C12orf56: variants seen among roughly 807,000 people sequenced by gnomAD.
The protein encoded by C12orf56 is chromosome 12 open reading frame 56, also known as uncharacterized protein C12orf56.
In C12orf56, 71 loss-of-function variants were observed where a neutral mutation model predicts 69.9. That is an observed-to-expected ratio of 1.02 (90% CI 0.84 to 1.24). The LOEUF is 1.24. Among genes scored for constraint, C12orf56 ranks in the 50% most tolerant of loss-of-function variants. C12orf56 has a pLI of 0.00. For synonymous variants in C12orf56, 276 were observed against 274.1 expected (o/e 1.01, Z -0.07); for missense variants, 732 against 738.5 (o/e 0.99, Z 0.10).
At chr12:64,354,436 C>G (rs1428554087) in intron 1 of C12orf56, among the ~76,000 whole-genome samples, 1 of 151,858 alleles carries the variant, frequency 6.6e-6, no homozygotes, top group Non-Finnish European at 1.5e-5. Context: ...CCACTCTGAG[C>G]AACATAGCAA....
intron 1 of C12orf56, among the ~76,000 whole-genome samples, chr12:64,357,924 A>G (rs2039342086): frequency 6.6e-6 from 1 of 151,978 alleles, no homozygotes; most frequent in Non-Finnish European, 1.5e-5. Context: ...AGAAAAAGAA[A>G]AAGAAATAAA....
At position 64,275,141 on chromosome 12, in the gene C12orf56, A is replaced by G. The variant is rs549623920; in HGVS notation, c.1509+157T>C. ...TAAGAGCAAAGTTCATATCATTGAA[A>G]TCAACCAGTTTTGGAGACCATCTCA... is the stretch of plus-strand genomic sequence containing the variant. On this transcript the variant is annotated intron_variant, in intron 10 of 12. Coordinates refer to ENST00000543942, the MANE Select transcript of C12orf56 (RefSeq NM_001170633.2). 1.6e-4 allele frequency: 121 copies of G among 771,296 alleles called. 1 individual carries two copies. In the South Asian group the frequency reaches 2.6e-3, roughly 17 times the overall value. The allele number at this position is 771,296 out of a possible 1,614,324, so 47.8% of individuals were successfully genotyped here.
At chr12:64,358,169 C>T (rs1345200906) in intron 1 of C12orf56, among the ~76,000 whole-genome samples, 1 of 152,060 alleles carries the variant, frequency 6.6e-6, no homozygotes, top group East Asian at 1.9e-4. Context: ...ATTTAGAAAT[C>T]ATAATCTCGG....
intron 2 of C12orf56, among the ~76,000 whole-genome samples, chr12:64,334,411 G>A (rs767402269): frequency 5.3e-5 from 8 of 152,138 alleles, no homozygotes; most frequent in Non-Finnish European, 1.0e-4. Flanking sequence ...ATCGCCCTTG[G>A]AAACCAAAAT....
At chr12:64,308,882 CAGAAAGGA>C (rs1198763069) in intron 5 of C12orf56, among the ~76,000 whole-genome samples, 1 of 50,056 alleles carries the variant, frequency 2.0e-5, no homozygotes, top group African/African-American at 9.0e-5. Context: ...AAGAAAGAAA[CAGAAAGGA>C]AGAAAGAAAG....
chr12:64,376,316 G>A (rs1592501483), intron 1 of C12orf56, among the ~76,000 whole-genome samples: 1 of 152,150 alleles, frequency 6.6e-6, no homozygotes, highest in African/African-American at 2.4e-5. Flanking sequence ...TGCTTTCCAA[G>A]AGTTCGTTGG....
In C12orf56 at chr12:64,266,660, G is replaced by T; in HGVS notation, c.*523C>A. On this transcript the variant is annotated 3_prime_UTR_variant, in exon 13 of 13. Coordinates refer to ENST00000543942, the MANE Select transcript of C12orf56 (RefSeq NM_001170633.2). ...GGGTGAAGAGCATGCTCCTGTGCCT[G>T]GCATGGTTTCACCGAGAACACTGTG... 1 of 887,598 alleles carries T rather than the reference G, an allele frequency of 1.1e-6. No homozygotes were observed. Among genetic ancestry groups the T allele is most frequent in the Non-Finnish European group, 1.5e-6 (1 of 654,720 alleles). The allele number at this position is 887,598 out of a possible 1,614,324, so 55.0% of individuals were successfully genotyped here.
chr12:64,381,716 T>G (rs1479725783), intron 1 of C12orf56, among the ~76,000 whole-genome samples: 1 of 152,180 alleles, frequency 6.6e-6, no homozygotes, highest in Admixed American at 6.5e-5. Flanking sequence ...TTCAAAAGTC[T>G]AGTTAAGAAA....
At chr12:64,283,019 G>A (rs2038152642) in intron 8 of C12orf56, among the ~76,000 whole-genome samples, 1 of 146,476 alleles carries the variant, frequency 6.8e-6, no homozygotes, top group Non-Finnish European at 1.5e-5. Context: ...GTGCACGCCT[G>A]TAATCCCAGC....
At chr12:64,298,462 G>A (rs10748008) in intron 6 of C12orf56, among the ~76,000 whole-genome samples, 145,326 of 152,254 alleles carry the variant, frequency 0.95, 69,698 homozygotes, top group East Asian at 1. Context: ...GCCCATGCCT[G>A]TGTCCTGAAT....
intron 6 of C12orf56, among the ~76,000 whole-genome samples, chr12:64,298,282 C>G (rs1486283900): frequency 6.6e-6 from 1 of 151,938 alleles, no homozygotes; most frequent in Non-Finnish European, 1.5e-5. Flanking sequence ...GGATATTAGC[C>G]CTTTGTCAGA....
intron 2 of C12orf56, among the ~76,000 whole-genome samples, chr12:64,347,627 ATCT>A (rs2039164260): frequency 6.6e-6 from 1 of 152,200 alleles, no homozygotes; most frequent in Middle Eastern, 3.4e-3. Context: ...CCCAGGATGG[ATCT>A]TCTTCTACCT....
chr12:64,374,538 C>CA (rs2039615473), intron 1 of C12orf56, among the ~76,000 whole-genome samples: 2 of 151,384 alleles, frequency 1.3e-5, no homozygotes, highest in Non-Finnish European at 2.9e-5. Context: ...CTTTTTTTTC[C>CA]AACTTTTTTT....
At chr12:64,276,153 T>C (rs1270121057) in intron 9 of C12orf56, among the ~76,000 whole-genome samples, 1 of 152,126 alleles carries the variant, frequency 6.6e-6, no homozygotes, top group Non-Finnish European at 1.5e-5. Context: ...ACAATTACTA[T>C]CCCTTTTCTT....
At chr12:64,284,567 C>T in intron 8 of C12orf56, 97 bp downstream of exon 8, 1 of 794,980 alleles carries the variant, frequency 1.3e-6, no homozygotes, top group Non-Finnish European at 1.9e-6. Context: ...GGGTGTTGAA[C>T]AGGGAAGTTG....
At chr12:64,310,473 T>C (rs889024109) in intron 5 of C12orf56, among the ~76,000 whole-genome samples, 5 of 152,208 alleles carry the variant, frequency 3.3e-5, no homozygotes, top group African/African-American at 1.2e-4. Flanking sequence ...CTAGGGCTAC[T>C]TGGTTATCCT....
intron 6 of C12orf56, among the ~76,000 whole-genome samples, chr12:64,298,862 G>A (rs1235972878): frequency 2.0e-5 from 3 of 152,098 alleles, no homozygotes; most frequent in African/African-American, 4.8e-5. Flanking sequence ...TTGGCTATGC[G>A]GGCTCTTTTT....
At chr12:64,380,116 A>C (rs1315761999) in intron 1 of C12orf56, among the ~76,000 whole-genome samples, 25 of 78,330 alleles carry the variant, frequency 3.2e-4, no homozygotes, top group Middle Eastern at 6.7e-3. Context: ...AAAAAAAAAA[A>C]AAAAAAAAAA....
intron 5 of C12orf56, among the ~76,000 whole-genome samples, chr12:64,306,648 C>G (rs778308036): frequency 5.3e-5 from 8 of 152,122 alleles, no homozygotes; most frequent in African/African-American, 1.9e-4. Flanking sequence ...AGATTACAGG[C>G]GTGAGCCACT....
Sources: gnomAD v4.1 joint callset for allele counts (sites outside exome capture counted in the v4.1 genomes callset) on GRCh38, gnomAD v4.1.1 for gene constraint, MANE v1.5 for transcripts, NCBI Gene and HGNC (gene_info 2026-07-23, HGNC 2026-07-21) for gene names.